Variants in ACTL8 observed in about 807,000 individuals in gnomAD.
The protein encoded by ACTL8 is actin-like protein 8.
A neutral mutation model predicts 9.3 loss-of-function variants in ACTL8; 3 were observed. The observed-to-expected ratio is 0.32, with a 90% CI of 0.15 to 0.83. The LOEUF is 0.83. ACTL8 is among the 40% of genes least tolerant of loss of function. The probability of loss-of-function intolerance (pLI) is 0.57; values close to 1 mark genes in which losing one functional copy is unlikely to be tolerated. For synonymous variants in ACTL8, 224 were observed against 205.9 expected (o/e 1.09, Z -0.75); for missense variants, 381 against 492.2 (o/e 0.77, Z 2.14).
intron 1 of ACTL8, among the ~76,000 whole-genome samples, chr1:17,788,229 C>G (rs1054682692): frequency 6.6e-6 from 1 of 152,176 alleles, no homozygotes; most frequent in Non-Finnish European, 1.5e-5. Flanking sequence ...TGTAGAAGTT[C>G]TTATTGTTAG....
intron 1 of ACTL8, among the ~76,000 whole-genome samples, chr1:17,798,742 C>A (rs950405028): frequency 3.3e-5 from 5 of 152,204 alleles, no homozygotes; most frequent in Admixed American, 6.5e-5. Context: ...GGCCAAGGAC[C>A]CTCTCTGGTT....
At chr1:17,777,604 C>T (rs1002383732) in intron 1 of ACTL8, among the ~76,000 whole-genome samples, 11 of 152,102 alleles carry the variant, frequency 7.2e-5, no homozygotes, top group Admixed American at 5.9e-4. Context: ...TGCTTGGGCT[C>T]GTGGGAAAGA....
At chr1:17,805,377 CTTTTTTTTTTTT>C (rs56870755) in intron 1 of ACTL8, among the ~76,000 whole-genome samples, 3 of 100,198 alleles carry the variant, frequency 3.0e-5, no homozygotes, top group Non-Finnish European at 5.9e-5. Context: ...TTTTCTTTTT[CTTTTTTTTTTTT>C]TTTTTTTTTT....
At chr1:17,808,841 T>C (rs2066376205) in intron 1 of ACTL8, among the ~76,000 whole-genome samples, 1 of 152,152 alleles carries the variant, frequency 6.6e-6, no homozygotes, top group Non-Finnish European at 1.5e-5. Context: ...GACGGAATTC[T>C]CCAGCAGCAA....
chr1:17,825,986 A>C lies in ACTL8; in HGVS notation c.568A>C (p.Lys190Gln), dbSNP rs761739868. The part of the protein sequence containing the change: ...LSAYLLKSLF[K>Q]EDCDRRCLFQ... Reference sequence around the variant, plus strand: ...CGCCTATCTCCTCAAGAGTCTCTTTAAGGAAGATTGCGATAGACGCTGCCT... The same window carrying C: ...CGCCTATCTCCTCAAGAGTCTCTTTCAGGAAGATTGCGATAGACGCTGCCT... The change falls in exon 3 of 3, where the codon AAG (lysine) becomes CAG (glutamine). Residue 190 changes from lysine (K) to glutamine (Q), a missense_variant. By Grantham distance (53) the Lys-to-Gln change is moderately conservative. Around this residue, in one of 3 missense-constraint regions of ACTL8, gnomAD observed 243 missense variants for 276.2 expected, o/e 0.88. Transcript: ENST00000375406. 6.2e-7 allele frequency: 1 copy of C among 1,609,068 alleles called. No individual in the cohort carries two copies. The highest frequency in any genetic ancestry group is 1.3e-5 in the African/African-American group (1 of 75,036).
At chr1:17,793,633 G>T (rs1383645893) in intron 1 of ACTL8, among the ~76,000 whole-genome samples, 1 of 152,152 alleles carries the variant, frequency 6.6e-6, no homozygotes, top group African/African-American at 2.4e-5. Context: ...CAGGAGTGGG[G>T]AGAAGGAAGG....
intron 1 of ACTL8, among the ~76,000 whole-genome samples, chr1:17,804,949 G>A (rs1452168078): frequency 1.2e-4 from 18 of 151,998 alleles, no homozygotes; most frequent in Admixed American, 1.2e-3. Context: ...AGCAGCCAGT[G>A]TCATTCTCCT....
intron 1 of ACTL8, among the ~76,000 whole-genome samples, chr1:17,775,385 C>G (rs1455890046): frequency 6.6e-6 from 1 of 152,030 alleles, no homozygotes; most frequent in Non-Finnish European, 1.5e-5. Flanking sequence ...AGGGTTGGCT[C>G]TTAGGATGGG....
At position 17,819,528 on chromosome 1, in the gene ACTL8, G is replaced by A. The variant is rs374748212; in HGVS notation, c.-24-3457G>A. 1.9e-4 allele frequency among the ~76,000 whole-genome samples: 29 copies of A among 152,314 alleles called. No homozygotes were observed. The South Asian group carries it at 5.8e-3, about 30-fold the overall frequency. Reference sequence around the variant, plus strand: ...GTAGATGCAACTGCTGTCCAGAAACGGAAGCCGAGCAGATAGCTGGGGGAG... The same window carrying A: ...GTAGATGCAACTGCTGTCCAGAAACAGAAGCCGAGCAGATAGCTGGGGGAG... On this transcript the variant is annotated intron_variant, in intron 1 of 2. Coordinates refer to ENST00000375406, the MANE Select transcript of ACTL8 (RefSeq NM_030812.3).
At chr1:17,789,704 T>A (rs531654063) in intron 1 of ACTL8, among the ~76,000 whole-genome samples, 1 of 152,320 alleles carries the variant, frequency 6.6e-6, no homozygotes, top group African/African-American at 2.4e-5. Flanking sequence ...GAAACTTGGG[T>A]TCAGAGAGGT....
In ACTL8 at chr1:17,800,047, A is replaced by G. The variant is rs551237022; in HGVS notation, c.-24-22938A>G. Among the ~76,000 whole-genome samples the G allele has an allele frequency of 1.7e-3, 256 of 152,242 alleles. 2 individuals are homozygous for G. The highest frequency in any genetic ancestry group is 5.8e-3 in the African/African-American group (242 of 41,540). ...GCCAGAAGTTTTGCTCTTCTTTTTC[A>G]TGATTAAGCAACTGGCAGACCCTTT... On this transcript the variant is annotated intron_variant, in intron 1 of 2. Transcript: ENST00000375406.
At chr1:17,818,754 C>T (rs2053618010) in intron 1 of ACTL8, among the ~76,000 whole-genome samples, 1 of 152,210 alleles carries the variant, frequency 6.6e-6, no homozygotes. Context: ...CTTGAGTTCC[C>T]TGTCCTTACC....
rs894467201 is a variant in ACTL8, at chr1:17,767,609, C to T, written c.-25+12105C>T. 2.0e-5 allele frequency among the ~76,000 whole-genome samples: 3 copies of T among 152,096 alleles called. No homozygotes were observed. The highest frequency in any genetic ancestry group is 2.1e-4 in the South Asian group (1 of 4,826). The stretch of plus-strand genomic sequence containing the variant: ...TGCCTTGTCCAGTGGTTATTTGGTG[C>T]GCAGTAAGCCCTTTGCTTTTTGGGT... On this transcript the variant is annotated intron_variant, in intron 1 of 2. Coordinates refer to ENST00000375406, the MANE Select transcript of ACTL8 (RefSeq NM_030812.3). This position sits in a 1 kb window ranked among gnomAD's most constrained non-coding sequence, Gnocchi z 4.7.
intron 1 of ACTL8, among the ~76,000 whole-genome samples, chr1:17,794,403 T>C (rs959136859): frequency 6.6e-6 from 1 of 152,228 alleles, no homozygotes; most frequent in Non-Finnish European, 1.5e-5. Flanking sequence ...AGACTCATGA[T>C]TGCATTGGCT....
At chr1:17,782,933 T>C in intron 1 of ACTL8, among the ~76,000 whole-genome samples, 1 of 152,168 alleles carries the variant, frequency 6.6e-6, no homozygotes, top group East Asian at 1.9e-4. Context: ...ACTCAATCAA[T>C]GGCACATTGC....
intron 1 of ACTL8, among the ~76,000 whole-genome samples, chr1:17,797,010 C>T (rs916844763): frequency 6.6e-6 from 1 of 152,138 alleles, no homozygotes. Context: ...CAGGGCCTTC[C>T]CTAGGGGTGG....
chr1:17,797,921 G>C (rs4920641), intron 1 of ACTL8, among the ~76,000 whole-genome samples: 5 of 152,066 alleles, frequency 3.3e-5, no homozygotes. Context: ...ATCTGACTTG[G>C]CTGTAGGAGG....
chr1:17,777,858 C>T (rs184322066), intron 1 of ACTL8, among the ~76,000 whole-genome samples: 42 of 152,210 alleles, frequency 2.8e-4, no homozygotes, highest in Non-Finnish European at 4.4e-4. Context: ...CCACCATGCC[C>T]GGCTAATTTT....
intron 1 of ACTL8, among the ~76,000 whole-genome samples, chr1:17,783,378 G>A (rs1384750078): frequency 6.6e-6 from 1 of 151,172 alleles, no homozygotes; most frequent in Non-Finnish European, 1.5e-5. Flanking sequence ...AAAACTCCAG[G>A]GCCTGTGACC....
Sources: gnomAD v4.1 joint callset for allele counts (sites outside exome capture counted in the v4.1 genomes callset) on GRCh38, gnomAD v4.1.1 for gene constraint, gnomAD v4.1.1 regional missense constraint, Gnocchi (gnomAD v3.1) non-coding constraint, MANE v1.5 for transcripts, NCBI Gene and HGNC (gene_info 2026-07-23, HGNC 2026-07-21) for gene names.